The following ZNF507 variants were observed in gnomAD, a reference collection of about 807,000 sequenced individuals.
The protein encoded by ZNF507 is zinc finger protein 507.
Under a neutral mutation model 80.0 loss-of-function variants are expected in ZNF507, and 29 were observed. That is an observed-to-expected ratio of 0.36 (90% CI 0.27 to 0.49). The LOEUF (loss-of-function observed/expected upper bound fraction) is 0.49. Among genes scored for constraint, ZNF507 ranks in the 20% least tolerant of loss-of-function variants. ZNF507 has a pLI of 0.98. For synonymous variants in ZNF507, 462 were observed against 422.5 expected (o/e 1.09, Z -1.15); for missense variants, 1,081 against 1,152.2 (o/e 0.94, Z 0.90).
At chr19:32,347,503 T>C (rs918255087) in intron 2 of ZNF507, among the ~76,000 whole-genome samples, 165 bp downstream of exon 2, 7 of 152,230 alleles carry the variant, frequency 4.6e-5, no homozygotes, top group Non-Finnish European at 1.0e-4. Context: ...TTGTACATTT[T>C]TATTCTCATT....
At chr19:32,381,180 A>G (rs114573626) in intron 5 of ZNF507, among the ~76,000 whole-genome samples, 1,862 of 152,318 alleles carry the variant, frequency 0.012, 48 homozygotes, top group African/African-American at 0.041. Flanking sequence ...TGGAGTCAAC[A>G]AAAAGATCAG....
rs1378553317 is a variant in ZNF507, at chr19:32,384,268, C to A, written c.*1185C>A. The A allele has an allele frequency of 2.0e-5, 3 of 152,186 alleles. No individual in the cohort carries two copies. The highest frequency in any genetic ancestry group is 7.2e-5 in the African/African-American group (3 of 41,448). The allele number at this position is 152,186 out of a possible 1,614,324, so 9.4% of individuals were successfully genotyped here. A position where few individuals can be genotyped will look rare whatever the true frequency, so the allele number is the denominator to read the frequency against. On this transcript the variant is annotated 3_prime_UTR_variant, in exon 7 of 7. Coordinates refer to ENST00000355898, the MANE Select transcript of ZNF507 (RefSeq NM_001136156.2). ...TCTATTTTGTTAGAGTGCGATAGGA[C>A]ATATGGAAAACCAACACAAAGTGCT...
At chr19:32,362,390 T>C (rs945866435) in intron 5 of ZNF507, among the ~76,000 whole-genome samples, 6 of 152,174 alleles carry the variant, frequency 3.9e-5, no homozygotes, top group African/African-American at 1.2e-4. Flanking sequence ...TTTCTCCGGG[T>C]CCAGAATTAG....
At chr19:32,345,923 T>C (rs950387212) in intron 1 of ZNF507, 140 bp downstream of exon 1, 5 of 152,852 alleles carry the variant, frequency 3.3e-5, no homozygotes, top group Non-Finnish European at 7.3e-5. Flanking sequence ...AAGCCCCAAG[T>C]TCCGTGTCCC....
chr19:32,347,100 G>A (rs190859692), intron 1 of ZNF507, 145 bp from the exon 2 acceptor site: 151 of 152,134 alleles, frequency 9.9e-4, no homozygotes, highest in African/African-American at 3.2e-3. Context: ...TTTGCATTAC[G>A]TAATAGGGTT....
At chr19:32,347,183 T>A (rs1388106256) in intron 1 of ZNF507, 62 bp from the exon 2 acceptor site, 2 of 152,564 alleles carry the variant, frequency 1.3e-5, no homozygotes, top group Non-Finnish European at 2.9e-5. Flanking sequence ...AAAAAATCAT[T>A]ACTTTGTTTC....
At chr19:32,362,195 A>G (rs563839334) in intron 5 of ZNF507, among the ~76,000 whole-genome samples, 3 of 152,332 alleles carry the variant, frequency 2.0e-5, no homozygotes, top group African/African-American at 4.8e-5. Flanking sequence ...AGTCTATTTA[A>G]TAGGTGGGAC....
intron 4 of ZNF507, chr19:32,356,957 C>T (rs945955545): frequency 2.3e-5 from 10 of 433,124 alleles, no homozygotes; most frequent in Non-Finnish European, 3.3e-5. Context: ...AGTAAGGATT[C>T]ATCTTCAGTT....
intron 5 of ZNF507, among the ~76,000 whole-genome samples, chr19:32,370,816 G>A (rs888268617): frequency 2.2e-4 from 33 of 152,248 alleles, no homozygotes; most frequent in African/African-American, 6.5e-4. Context: ...CCACTGCAGC[G>A]AGATTTTTCC....
chr19:32,347,989 G>A (rs1338363419), intron 2 of ZNF507, among the ~76,000 whole-genome samples: 3 of 152,120 alleles, frequency 2.0e-5, no homozygotes, highest in Non-Finnish European at 4.4e-5. Flanking sequence ...CAAATAAATT[G>A]TAGCCAATAT....
rs1233238276 is a variant in ZNF507, at chr19:32,374,574, C to T, written c.2361-7893C>T. Among the ~76,000 whole-genome samples, 7 of 151,648 alleles carry T rather than the reference C, an allele frequency of 4.6e-5. No homozygotes were observed. The East Asian group carries it at 9.7e-4, about 21-fold the overall frequency. Reference sequence around the variant, plus strand: ...TTAGCTCACTGCAACCTCTGCCTCCCGGGTTCAAGAGATTCTCGTGCCTCA... The same window carrying T: ...TTAGCTCACTGCAACCTCTGCCTCCTGGGTTCAAGAGATTCTCGTGCCTCA... On this transcript the variant is annotated intron_variant, in intron 5 of 6. Coordinates refer to ENST00000355898, the MANE Select transcript of ZNF507 (RefSeq NM_001136156.2).
chr19:32,347,033 A>G lies in ZNF507; in HGVS notation c.-96-212A>G, dbSNP rs73926018. 3.4e-3 allele frequency among the ~76,000 whole-genome samples: 524 copies of G among 152,256 alleles called. 5 individuals are homozygous for G. Among genetic ancestry groups the G allele is most frequent in the African/African-American group, 0.012 (482 of 41,542 alleles). ...ATTATTGGGAGAAGTTTCCAGAGCT[A>G]TTTTTTCCTAACTTCTGCAAAATCC... On this transcript the variant is annotated intron_variant, in intron 1 of 6. Transcript: ENST00000355898.
chr19:32,346,038 C>T (rs1195316269), intron 1 of ZNF507, among the ~76,000 whole-genome samples: 1 of 152,230 alleles, frequency 6.6e-6, no homozygotes, highest in Non-Finnish European at 1.5e-5. Flanking sequence ...CAGCCCGGCC[C>T]GCCCGCAGGC....
At chr19:32,359,241 C>T (rs537683447) in intron 4 of ZNF507, 1 of 152,042 alleles carries the variant, frequency 6.6e-6, no homozygotes, top group African/African-American at 2.4e-5. Flanking sequence ...TAGATTTATA[C>T]CAGGAAATTA....
intron 5 of ZNF507, among the ~76,000 whole-genome samples, chr19:32,375,258 G>A (rs1169412238): frequency 6.6e-6 from 1 of 152,204 alleles, no homozygotes; most frequent in Admixed American, 6.5e-5. Context: ...CATTTAGTGA[G>A]TAGAGGCTAG....
chr19:32,358,529 C>T (rs1035612485), intron 4 of ZNF507: 4 of 152,168 alleles, frequency 2.6e-5, no homozygotes, highest in African/African-American at 9.7e-5. Context: ...TTCAGGAATC[C>T]AACTCAGTGA....
At chr19:32,362,483 T>G (rs549696660) in intron 5 of ZNF507, among the ~76,000 whole-genome samples, 4 of 152,324 alleles carry the variant, frequency 2.6e-5, no homozygotes, top group Admixed American at 6.5e-5. Flanking sequence ...ACTACAGTCA[T>G]AACAAAACAG....
chr19:32,373,175 A>T (rs954095841), intron 5 of ZNF507, among the ~76,000 whole-genome samples: 2 of 152,058 alleles, frequency 1.3e-5, no homozygotes, highest in South Asian at 2.1e-4. Flanking sequence ...CCACCTCTTA[A>T]TATTATCCCT....
chr19:32,374,499 A>C (rs1967520286), intron 5 of ZNF507, among the ~76,000 whole-genome samples: 1 of 143,278 alleles, frequency 7.0e-6, no homozygotes, highest in East Asian at 2.0e-4. Context: ...CTTGAGACAG[A>C]GTCTTGTGCT....
Sources: allele counts gnomAD v4.1 joint callset (sites outside exome capture counted in the v4.1 genomes callset), GRCh38; gene constraint gnomAD v4.1.1; transcripts MANE v1.5; gene names NCBI Gene and HGNC (gene_info 2026-07-23, HGNC 2026-07-21).